The following NLGN1 variants were observed in gnomAD, a reference collection of about 807,000 sequenced individuals.
The protein encoded by NLGN1 is neuroligin 1.
NLGN1 carries 12 observed loss-of-function variants against 65.5 expected under a neutral mutation model. That is an observed-to-expected ratio of 0.18 (90% CI 0.12 to 0.30). The LOEUF is 0.30. Among genes scored for constraint, NLGN1 ranks in the 10% least tolerant of loss-of-function variants. The probability of loss-of-function intolerance (pLI) is 1.00; values close to 1 mark genes in which losing one functional copy is unlikely to be tolerated. For synonymous variants in NLGN1, 350 were observed against 359.5 expected (o/e 0.97, Z 0.30); for missense variants, 750 against 1,007.1 (o/e 0.74, Z 3.46).
At chr3:173,812,799 A>T (rs1026146755) in intron 4 of NLGN1, among the ~76,000 whole-genome samples, 2 of 146,212 alleles carry the variant, frequency 1.4e-5, no homozygotes, top group African/African-American at 5.0e-5. Context: ...ATGTATTTTT[A>T]TATATATATA....
intron 3 of NLGN1, among the ~76,000 whole-genome samples, chr3:173,728,865 A>G (rs1578153316): frequency 6.6e-6 from 1 of 152,218 alleles, no homozygotes; most frequent in African/African-American, 2.4e-5. Context: ...TCAGACTTCA[A>G]GCATCCAGAA....
intron 1 of NLGN1, among the ~76,000 whole-genome samples, chr3:173,430,130 C>T (rs1195931679): frequency 1.3e-5 from 2 of 152,130 alleles, no homozygotes; most frequent in Non-Finnish European, 2.9e-5. Context: ...AGGGTAAAAA[C>T]TGAATCTGCT....
intron 2 of NLGN1, among the ~76,000 whole-genome samples, chr3:173,584,072 CAAA>C (rs561995466): frequency 8.0e-6 from 1 of 125,342 alleles, no homozygotes; most frequent in African/African-American, 2.8e-5. Flanking sequence ...TTTTTGTAGA[CAAA>C]AAAAAAAAAA....
At chr3:174,074,617 A>G (rs138890177) in intron 4 of NLGN1, among the ~76,000 whole-genome samples, 3 of 152,340 alleles carry the variant, frequency 2.0e-5, no homozygotes, top group Non-Finnish European at 4.4e-5. Flanking sequence ...TCTAAAGGAT[A>G]GAAAGGGAAG....
chr3:173,826,852 G>C (rs1268951837), intron 4 of NLGN1, among the ~76,000 whole-genome samples: 1 of 151,980 alleles, frequency 6.6e-6, no homozygotes, highest in African/African-American at 2.4e-5. Flanking sequence ...TTTTAATGGG[G>C]GCTTGACTTA....
At chr3:173,675,358 A>G (rs1762980500) in intron 3 of NLGN1, among the ~76,000 whole-genome samples, 2 of 152,112 alleles carry the variant, frequency 1.3e-5, no homozygotes, top group African/African-American at 4.8e-5. Flanking sequence ...TATATCTCTC[A>G]ATTGACCAGC....
At chr3:173,412,639 C>T (rs984303811) in intron 1 of NLGN1, among the ~76,000 whole-genome samples, 1 of 151,994 alleles carries the variant, frequency 6.6e-6, no homozygotes, top group African/African-American at 2.4e-5. Flanking sequence ...TCCAGCCCTT[C>T]TCTTGTTTTG....
At chr3:174,120,506 CA>C (rs71964272) in intron 4 of NLGN1, among the ~76,000 whole-genome samples, 19,931 of 145,126 alleles carry the variant, frequency 0.14, 1,499 homozygotes, top group African/African-American at 0.21. Flanking sequence ...GACTCTGTCT[CA>C]AAAAAAAAAT....
intron 2 of NLGN1, among the ~76,000 whole-genome samples, chr3:173,454,831 T>G (rs2148863668): frequency 6.6e-6 from 1 of 152,346 alleles, no homozygotes; most frequent in South Asian, 2.1e-4. Flanking sequence ...ATTTGTGTGT[T>G]CAGTAGGTAA....
At chr3:173,752,890 T>C (rs1010081353) in intron 3 of NLGN1, among the ~76,000 whole-genome samples, 2 of 152,084 alleles carry the variant, frequency 1.3e-5, no homozygotes, top group South Asian at 2.1e-4. Context: ...AGTGAAAACA[T>C]AGAAGCAATT....
chr3:173,940,080 CTTTTTT>C (rs531013909), intron 4 of NLGN1, among the ~76,000 whole-genome samples: 10 of 75,430 alleles, frequency 1.3e-4, no homozygotes, highest in Admixed American at 7.0e-4. Context: ...ATAGTTATAG[CTTTTTT>C]TTTTTTTTTT....
At chr3:173,841,632 GA>G (rs1724796670) in intron 4 of NLGN1, among the ~76,000 whole-genome samples, 1 of 152,166 alleles carries the variant, frequency 6.6e-6, no homozygotes, top group South Asian at 2.1e-4. Flanking sequence ...AGTAGCAAAT[GA>G]AATTGCTAAA....
intron 2 of NLGN1, among the ~76,000 whole-genome samples, chr3:173,521,103 T>C (rs1734685930): frequency 6.6e-6 from 1 of 152,206 alleles, no homozygotes; most frequent in African/African-American, 2.4e-5. Context: ...AAACACATTC[T>C]GCTGGTATAA....
At chr3:173,467,092 A>G (rs918978074) in intron 2 of NLGN1, among the ~76,000 whole-genome samples, 14 of 152,300 alleles carry the variant, frequency 9.2e-5, no homozygotes, top group Non-Finnish European at 1.5e-4. Context: ...AGTGTTATCA[A>G]GATGATTTAA....
intron 4 of NLGN1, among the ~76,000 whole-genome samples, chr3:174,040,163 T>G (rs1731969602): frequency 6.6e-6 from 1 of 152,184 alleles, no homozygotes; most frequent in African/African-American, 2.4e-5. Context: ...TTTTTTTCTT[T>G]TTTGGCCTAC....
intron 4 of NLGN1, among the ~76,000 whole-genome samples, chr3:173,951,894 C>T (rs1252677923): frequency 6.6e-5 from 10 of 152,154 alleles, no homozygotes; most frequent in Admixed American, 3.9e-4. Flanking sequence ...TGCATATTCA[C>T]ATAATTTTAT....
chr3:173,985,428 A>T (rs186127822), intron 4 of NLGN1, among the ~76,000 whole-genome samples: 10 of 152,290 alleles, frequency 6.6e-5, no homozygotes, highest in Non-Finnish European at 1.3e-4. Flanking sequence ...GAGAACTTTT[A>T]TCTTGGTAGC....
At chr3:174,075,197 C>T (rs1052400952) in intron 4 of NLGN1, among the ~76,000 whole-genome samples, 2 of 152,074 alleles carry the variant, frequency 1.3e-5, no homozygotes, top group African/African-American at 4.8e-5. Context: ...TAATTTTTAA[C>T]TCTACTAAAA....
At chr3:174,231,192 A>G (rs1197913268) in intron 4 of NLGN1, among the ~76,000 whole-genome samples, 2 of 152,218 alleles carry the variant, frequency 1.3e-5, no homozygotes, top group Non-Finnish European at 2.9e-5. Flanking sequence ...GTAATAAGAG[A>G]AAAACTTCAG....
Sources: gnomAD v4.1 joint callset for allele counts (sites outside exome capture counted in the v4.1 genomes callset) on GRCh38, gnomAD v4.1.1 for gene constraint, MANE v1.5 for transcripts, NCBI Gene and HGNC (gene_info 2026-07-23, HGNC 2026-07-21) for gene names.